The following TBC1D8 variants were observed in gnomAD, a reference collection of about 807,000 sequenced individuals.
TBC1D8 encodes TBC1 domain family member 8.
A neutral mutation model predicts 118.8 loss-of-function variants in TBC1D8; 65 were observed. The ratio of observed to expected loss-of-function variants is 0.55; its 90% CI spans 0.45 to 0.67. The LOEUF (loss-of-function observed/expected upper bound fraction) is 0.67, where lower values mean the gene tolerates loss of function less well. Among genes scored for constraint, TBC1D8 ranks in the 30% least tolerant of loss-of-function variants. The pLI, the probability that TBC1D8 is intolerant of heterozygous loss-of-function variation, is 0.00. For synonymous variants in TBC1D8, 566 were observed against 595.8 expected, an observed-to-expected ratio of 0.95 and a Z score of 0.73; for missense variants, 1,376 against 1,471.2, an observed-to-expected ratio of 0.94 and a Z score of 1.06.
At position 101,073,306 on chromosome 2, in the gene TBC1D8, T is replaced by A. The variant is rs569462584; in HGVS notation, c.284-13767A>T. 6.7e-3 allele frequency among the ~76,000 whole-genome samples: 1,012 copies of A among 150,928 alleles called. 14 individuals are homozygous for A. Among genetic ancestry groups the A allele is most frequent in the Non-Finnish European group, 6.6e-3 (446 of 67,786 alleles). ...ATTTTATTTTATTTTATTTATTTTTTTTTTTGGAGATGGAGTCTTGCTCTG... is the reference window on the plus strand; with the variant it reads ...ATTTTATTTTATTTTATTTATTTTTATTTTTGGAGATGGAGTCTTGCTCTG... On this transcript the variant is annotated intron_variant, in intron 2 of 19. Transcript: ENST00000409318.
At chr2:101,029,336 C>T (rs939561061) in intron 12 of TBC1D8, among the ~76,000 whole-genome samples, 155 bp downstream of exon 12, 3 of 151,558 alleles carry the variant, frequency 2.0e-5, no homozygotes, top group African/African-American at 7.3e-5. Context: ...TTGTAGTGAG[C>T]AGATTGTGGG....
At chr2:101,147,776 G>A (rs1434541118) in intron 1 of TBC1D8, among the ~76,000 whole-genome samples, 1 of 151,994 alleles carries the variant, frequency 6.6e-6, no homozygotes. Flanking sequence ...TGGGAGAGAG[G>A]GCAGCAATGT....
intron 1 of TBC1D8, among the ~76,000 whole-genome samples, chr2:101,134,193 TCTCTCACACACACACACACACA>T (rs1224011841): frequency 8.2e-6 from 1 of 122,290 alleles, no homozygotes; most frequent in Non-Finnish European, 1.7e-5. Context: ...TCTCTCTCTC[TCTCTCACACACACACACACACA>T]CACACACACA....
chr2:101,068,172 G>A (rs1341934991), intron 2 of TBC1D8, among the ~76,000 whole-genome samples: 5 of 152,252 alleles, frequency 3.3e-5, no homozygotes, highest in East Asian at 3.9e-4. Context: ...AGTCATCCAC[G>A]AGGATTAGAA....
intron 2 of TBC1D8, chr2:101,068,371 G>T: frequency 7.7e-6 from 2 of 259,384 alleles, no homozygotes; most frequent in South Asian, 4.9e-5. Context: ...TGGTAATACC[G>T]GGTTGGATGT....
chr2:101,069,416 G>A (rs541642584), intron 2 of TBC1D8, among the ~76,000 whole-genome samples: 10 of 151,912 alleles, frequency 6.6e-5, no homozygotes, highest in Non-Finnish European at 1.0e-4. Context: ...GAGAAATCCC[G>A]TCTCTACTAA....
intron 1 of TBC1D8, among the ~76,000 whole-genome samples, chr2:101,116,916 C>T (rs1248744171): frequency 6.6e-6 from 1 of 152,136 alleles, no homozygotes; most frequent in East Asian, 1.9e-4. Flanking sequence ...GCTGAGATTA[C>T]AGGTGTGCAC....
At chr2:101,011,269 G>A in intron 18 of TBC1D8, 182 bp downstream of exon 18, 1 of 717,652 alleles carries the variant, frequency 1.4e-6, no homozygotes. Flanking sequence ...GCAAGGGGCA[G>A]CCACCCAGCA....
At chr2:101,134,939 C>T (rs1288924600) in intron 1 of TBC1D8, among the ~76,000 whole-genome samples, 1 of 152,180 alleles carries the variant, frequency 6.6e-6, no homozygotes, top group East Asian at 1.9e-4. Context: ...TTTGGGAGGC[C>T]GAGGCAGGTG....
chr2:101,149,439 T>C (rs1259573139), intron 1 of TBC1D8, among the ~76,000 whole-genome samples: 1 of 152,074 alleles, frequency 6.6e-6, no homozygotes, highest in Non-Finnish European at 1.5e-5. Context: ...CGGCTGAAGG[T>C]AGCCGGCCCT....
chr2:101,095,088 T>C (rs1165491038), intron 1 of TBC1D8, among the ~76,000 whole-genome samples: 4 of 151,940 alleles, frequency 2.6e-5, no homozygotes, highest in African/African-American at 9.7e-5. Flanking sequence ...ACCCCACAAC[T>C]TGCATAGGTT....
intron 19 of TBC1D8, among the ~76,000 whole-genome samples, chr2:101,009,821 C>A (rs1679054520): frequency 1.5e-5 from 2 of 134,260 alleles, no homozygotes; most frequent in African/African-American, 5.4e-5. Context: ...AAAAAAGGAG[C>A]TTTTTCTTTT....
intron 2 of TBC1D8, among the ~76,000 whole-genome samples, chr2:101,065,092 G>A (rs1241353061): frequency 6.6e-6 from 1 of 152,110 alleles, no homozygotes; most frequent in Non-Finnish European, 1.5e-5. Context: ...GCATCTCATT[G>A]TCTATGCCCA....
chr2:101,008,223 A>C lies in TBC1D8; in HGVS notation c.3066T>G (p.Asp1022Glu). ...CKTLYSMFHE[D>E]PEENDLYQAI... The stretch of plus-strand genomic sequence containing the variant: ...CTTGATACAAATCATTTTCTTCTGG[A>C]TCTTCATGGAACATACTGTACAGAG... Residue 1022 changes from aspartate (D) to glutamate (E), a missense_variant, in exon 20 of 20, where the codon GAT (aspartate) becomes GAG (glutamate). Asp to Glu is a conservative substitution (Grantham distance 45, BLOSUM62 2). Coordinates refer to ENST00000409318, the MANE Select transcript of TBC1D8 (RefSeq NM_001330348.2). 2 of 1,601,398 alleles carry C rather than the reference A, an allele frequency of 1.2e-6. No homozygotes were observed. The highest frequency in any genetic ancestry group is 1.7e-6 in the Non-Finnish European group (2 of 1,173,182).
At chr2:101,073,852 T>G (rs1402471445) in intron 2 of TBC1D8, among the ~76,000 whole-genome samples, 2 of 152,246 alleles carry the variant, frequency 1.3e-5, no homozygotes, top group African/African-American at 4.8e-5. Flanking sequence ...TTGCATGGAT[T>G]AGGCTTTGGC....
chr2:101,029,920 T>C, intron 11 of TBC1D8, 144 bp from the exon 12 acceptor site: 2 of 789,842 alleles, frequency 2.5e-6, no homozygotes, highest in South Asian at 2.0e-5. Context: ...TCATTGATTC[T>C]GACTTTTAGA....
At chr2:101,064,985 T>C (rs775532048) in intron 2 of TBC1D8, among the ~76,000 whole-genome samples, 3 of 152,216 alleles carry the variant, frequency 2.0e-5, no homozygotes, top group Non-Finnish European at 2.9e-5. Context: ...GACATCGTCA[T>C]GGATGGAAGC....
chr2:101,077,007 T>G (rs1674878338), intron 2 of TBC1D8, among the ~76,000 whole-genome samples: 1 of 152,120 alleles, frequency 6.6e-6, no homozygotes, highest in African/African-American at 2.4e-5. Flanking sequence ...GAGGCGGTAG[T>G]GCTACATACT....
chr2:101,056,631 A>G (rs1397201992), intron 3 of TBC1D8, among the ~76,000 whole-genome samples: 1 of 152,180 alleles, frequency 6.6e-6, no homozygotes, highest in Non-Finnish European at 1.5e-5. Context: ...GTTAAGAGAG[A>G]TGAGTATTTT....
Sources: gnomAD v4.1 joint callset for allele counts (sites outside exome capture counted in the v4.1 genomes callset) on GRCh38, gnomAD v4.1.1 for gene constraint, MANE v1.5 for transcripts, NCBI Gene and HGNC (gene_info 2026-07-23, HGNC 2026-07-21) for gene names.